The following FBN2 variants were observed in gnomAD, a reference collection of about 807,000 sequenced individuals.
The protein encoded by FBN2 is fibrillin 2.
In FBN2, 105 loss-of-function variants were observed where a neutral mutation model predicts 355.6. That is an observed-to-expected ratio of 0.30 (90% CI 0.25 to 0.35). FBN2 has a LOEUF of 0.35. Ranked by LOEUF, FBN2 falls within the 10% of genes least tolerant of loss-of-function variation. FBN2 has a pLI of 1.00. For synonymous variants in FBN2, 1,350 were observed against 1,301.2 expected (o/e 1.04, Z -0.81); for missense variants, 3,280 against 3,758.7 (o/e 0.87, Z 3.33).
chr5:128,289,100 A>T, intron 52 of FBN2, 27 bp downstream of exon 52: 1 of 1,613,226 alleles, frequency 6.2e-7, no homozygotes, highest in South Asian at 1.1e-5. Context: ...GAACTTTAAA[A>T]TTCTGTAATG....
chr5:128,523,153 A>C (rs1381383238), intron 4 of FBN2, among the ~76,000 whole-genome samples: 1 of 152,238 alleles, frequency 6.6e-6, no homozygotes, highest in Admixed American at 6.5e-5. Context: ...ACACTTGGGC[A>C]TAAGTCAAGT....
Position 128,537,624 on chromosome 5 carries a change from G to C in FBN2, c.-21C>G, listed in dbSNP as rs1300292829. On this transcript the variant is annotated 5_prime_UTR_variant, in exon 1 of 65. Transcript: ENST00000262464. ...CCCATCGCCGGCGCCGAAAGCGCGC[G>C]GCCGTAGACCCGCGGAGAGGGAGTG... 1 of 1,604,100 alleles carries C rather than the reference G, an allele frequency of 6.2e-7. No homozygotes were observed. Among genetic ancestry groups the C allele is most frequent in the Non-Finnish European group, 8.5e-7 (1 of 1,177,016 alleles).
chr5:128,442,030 T>C (rs971160753), intron 7 of FBN2: 3 of 199,110 alleles, frequency 1.5e-5, no homozygotes, highest in African/African-American at 7.1e-5. Context: ...TTATTTTCCA[T>C]GGTTTATCTA....
At chr5:128,426,159 G>T (rs149583303) in intron 7 of FBN2, among the ~76,000 whole-genome samples, 184 of 152,102 alleles carry the variant, frequency 1.2e-3, no homozygotes, top group Non-Finnish European at 1.7e-3. Flanking sequence ...TAGCTGAATG[G>T]GGAGACTACC....
At chr5:128,499,663 G>A (rs1329865335) in intron 5 of FBN2, among the ~76,000 whole-genome samples, 1 of 152,140 alleles carries the variant, frequency 6.6e-6, no homozygotes, top group Non-Finnish European at 1.5e-5. Flanking sequence ...CAAGCAAGAT[G>A]AGTAAACACT....
intron 14 of FBN2, among the ~76,000 whole-genome samples, chr5:128,375,629 G>T (rs1051343481): frequency 6.6e-6 from 1 of 152,108 alleles, no homozygotes; most frequent in African/African-American, 2.4e-5. Flanking sequence ...GTAATTCATT[G>T]AAATTATAAG....
At chr5:128,432,471 GTT>G (rs1753651469) in intron 7 of FBN2, among the ~76,000 whole-genome samples, 1 of 152,104 alleles carries the variant, frequency 6.6e-6, no homozygotes, top group African/African-American at 2.4e-5. Context: ...TCACTCATTC[GTT>G]TTTACTGTCT....
At chr5:128,501,196 T>C (rs992315775) in intron 5 of FBN2, among the ~76,000 whole-genome samples, 1 of 152,224 alleles carries the variant, frequency 6.6e-6, no homozygotes, top group Non-Finnish European at 1.5e-5. Context: ...GGATATCCTC[T>C]TTGAAAAAGA....
chr5:128,490,940 A>G (rs1443636552), intron 5 of FBN2, among the ~76,000 whole-genome samples: 1 of 152,176 alleles, frequency 6.6e-6, no homozygotes, highest in Non-Finnish European at 1.5e-5. Flanking sequence ...TTTTCCTTCC[A>G]AGTACAGAGT....
At chr5:128,455,495 A>T (rs1754355798) in intron 6 of FBN2, among the ~76,000 whole-genome samples, 1 of 152,166 alleles carries the variant, frequency 6.6e-6, no homozygotes, top group Non-Finnish European at 1.5e-5. Flanking sequence ...GCATGGCAAC[A>T]GTTTAAAGTA....
intron 6 of FBN2, among the ~76,000 whole-genome samples, chr5:128,458,237 G>A (rs1433958698): frequency 6.6e-6 from 1 of 151,986 alleles, no homozygotes. Context: ...ATTACGTAAT[G>A]GTAAAGGGAA....
At chr5:128,485,823 T>G (rs944689642) in intron 5 of FBN2, among the ~76,000 whole-genome samples, 1 of 152,158 alleles carries the variant, frequency 6.6e-6, no homozygotes, top group African/African-American at 2.4e-5. Context: ...AAGTTTTTAT[T>G]CAATTTGAGT....
At chr5:128,452,242 G>A (rs1412422532) in intron 6 of FBN2, among the ~76,000 whole-genome samples, 1 of 152,104 alleles carries the variant, frequency 6.6e-6, no homozygotes, top group Non-Finnish European at 1.5e-5. Context: ...TGACCAGACT[G>A]TACAGATGTT....
intron 42 of FBN2, among the ~76,000 whole-genome samples, chr5:128,306,868 A>G (rs1749898932): frequency 6.6e-6 from 1 of 152,208 alleles, no homozygotes; most frequent in African/African-American, 2.4e-5. Context: ...TGACAAGGAC[A>G]ACTGAAGCTT....
At chr5:128,282,094 T>C (rs1354321969) in intron 55 of FBN2, among the ~76,000 whole-genome samples, 4 of 152,190 alleles carry the variant, frequency 2.6e-5, no homozygotes, top group Non-Finnish European at 4.4e-5. Context: ...CAAAATTATT[T>C]TCCCTTAGAA....
rs748791671 is a variant in FBN2 at position 128,527,970 on chromosome 5, G to A, written c.437-3C>T. On this transcript the variant is annotated splice_region_variant and splice_polypyrimidine_tract_variant and intron_variant, in intron 3 of 64. Coordinates refer to ENST00000262464, the MANE Select transcript of FBN2 (RefSeq NM_001999.4). ...GCATCTCACACTGCACTGCTGAACT[G>A]CAAAGAGCAATAACAAAAAGTATAA... 2 of 1,599,744 alleles carry A rather than the reference G, an allele frequency of 1.3e-6. No individual in the cohort carries two copies. The highest frequency in any genetic ancestry group is 2.2e-5 in the East Asian group (1 of 44,748).
chr5:128,263,511 G>C lies in FBN2; in HGVS notation c.8106C>G (p.Ser2702=). ...AGCAGCCGTAATTGCAGGGGTTCTT[G>C]GAGGACGAGCACTCATTCACGTCGT... ...ACHDVNECSS[S]KNPCNYGCSN... Residue 2702 remains serine, a synonymous_variant, in exon 63 of 65, where the codon TCC becomes TCG. Transcript: ENST00000262464. 5 of 1,614,132 alleles carry C rather than the reference G, an allele frequency of 3.1e-6. No homozygotes were observed. The highest frequency in any genetic ancestry group is 4.2e-6 in the Non-Finnish European group (5 of 1,180,006).
intron 41 of FBN2, among the ~76,000 whole-genome samples, chr5:128,308,426 C>T (rs562357011): frequency 6.6e-6 from 1 of 152,268 alleles, no homozygotes; most frequent in East Asian, 1.9e-4. Context: ...TGCTTTTCAT[C>T]ATTTCTCTCC....
At chr5:128,279,057 T>G (rs982024208) in intron 56 of FBN2, among the ~76,000 whole-genome samples, 18 of 152,214 alleles carry the variant, frequency 1.2e-4, no homozygotes, top group African/African-American at 4.3e-4. Flanking sequence ...GATACTATAC[T>G]TTAGAAATAG....
Sources: gnomAD v4.1 joint callset for allele counts (sites outside exome capture counted in the v4.1 genomes callset) on GRCh38, gnomAD v4.1.1 for gene constraint, MANE v1.5 for transcripts, NCBI Gene and HGNC (gene_info 2026-07-23, HGNC 2026-07-21) for gene names.